Variants in ADGRL2 observed in about 807,000 individuals in gnomAD.
ADGRL2 encodes the protein adhesion G protein-coupled receptor L2.
Under a neutral mutation model 157.4 loss-of-function variants are expected in ADGRL2, and 44 were observed. That is an observed-to-expected ratio of 0.28 (90% confidence interval 0.22 to 0.36). ADGRL2 has a LOEUF of 0.36. Ranked by LOEUF, ADGRL2 falls within the 10% of genes least tolerant of loss-of-function variation. The probability of loss-of-function intolerance (pLI) is 1.00; values close to 1 mark genes in which losing one functional copy is unlikely to be tolerated. For synonymous variants in ADGRL2, 585 were observed against 624.7 expected (o/e 0.94, Z 0.95); for missense variants, 1,510 against 1,768.9 (o/e 0.85, Z 2.63).
chr1:81,442,983 A>G (rs1027115934), intron 1 of ADGRL2, among the ~76,000 whole-genome samples: 1 of 152,252 alleles, frequency 6.6e-6, no homozygotes, highest in East Asian at 1.9e-4. Context: ...TGTTGCTCTC[A>G]CAATAGTAAT....
In ADGRL2 at chr1:81,993,073, ATATATATATATATATTTTTTTT is replaced by A. The variant is rs1664846072; in HGVS notation, c.*1930_*1951del. Among the ~76,000 whole-genome samples, 1 of 31,064 alleles carries A rather than the reference ATATATATATATATATTTTTTTT, an allele frequency of 3.2e-5. No homozygotes were observed. Among genetic ancestry groups the A allele is most frequent in the South Asian group, 1.2e-3 (1 of 858 alleles). 20.4% of individuals were successfully genotyped at this position (31,064 alleles called of 152,430 possible). On this transcript the variant is annotated 3_prime_UTR_variant, in exon 24 of 24. Transcript: ENST00000686636. Reference sequence around the variant, plus strand: ...ATATAATATACATATATATATATATATATATATATATATATTTTTTTTTTTTTTTTTTTTTTTTTTTTTTTTG... The same window carrying A: ...ATATAATATACATATATATATATATATTTTTTTTTTTTTTTTTTTTTTTTG...
At chr1:81,681,954 T>C (rs1468414484) in intron 3 of ADGRL2, among the ~76,000 whole-genome samples, 1 of 152,170 alleles carries the variant, frequency 6.6e-6, no homozygotes, top group African/African-American at 2.4e-5. Flanking sequence ...CAATGAATCC[T>C]AAATATAGTG....
At chr1:81,318,453 T>C (rs1033180249) in intron 1 of ADGRL2, among the ~76,000 whole-genome samples, 5 of 152,160 alleles carry the variant, frequency 3.3e-5, no homozygotes, top group African/African-American at 1.2e-4. Flanking sequence ...CTCATGTTTA[T>C]CTGTAAAATG....
chr1:81,387,099 C>T (rs574524392), intron 1 of ADGRL2, among the ~76,000 whole-genome samples: 4 of 152,180 alleles, frequency 2.6e-5, no homozygotes, highest in Admixed American at 2.6e-4. Flanking sequence ...GCTAGTATTG[C>T]TTTCTATTTG....
At chr1:81,813,432 C>T (rs1325199770) in intron 1 of ADGRL2, among the ~76,000 whole-genome samples, 3 of 151,574 alleles carry the variant, frequency 2.0e-5, no homozygotes, top group African/African-American at 4.8e-5. Context: ...GTTACTGTGA[C>T]AAAGAATAAT....
At chr1:81,925,081 CCTTCT>C (rs2095073214) in intron 3 of ADGRL2, among the ~76,000 whole-genome samples, 1 of 151,966 alleles carries the variant, frequency 6.6e-6, no homozygotes, top group Non-Finnish European at 1.5e-5. Flanking sequence ...AAAGTGAATT[CCTTCT>C]ATGTGGGAAA....
chr1:81,561,706 C>T (rs1326329386), intron 2 of ADGRL2, among the ~76,000 whole-genome samples: 4 of 152,008 alleles, frequency 2.6e-5, no homozygotes, highest in South Asian at 2.1e-4. Flanking sequence ...GTGATCCACC[C>T]GCCTCGGCCT....
chr1:81,829,919 G>A (rs1401878060), intron 1 of ADGRL2, among the ~76,000 whole-genome samples: 1 of 152,148 alleles, frequency 6.6e-6, no homozygotes, highest in African/African-American at 2.4e-5. Context: ...ATTCTATAGT[G>A]TGCACTTGAT....
chr1:81,438,207 G>A (rs1317558886), intron 1 of ADGRL2, among the ~76,000 whole-genome samples: 1 of 152,136 alleles, frequency 6.6e-6, no homozygotes, highest in Non-Finnish European at 1.5e-5. Context: ...GGCTCTTTGA[G>A]ATGGTAACAA....
chr1:81,448,938 T>C (rs1011358798), intron 2 of ADGRL2, among the ~76,000 whole-genome samples: 2 of 152,194 alleles, frequency 1.3e-5, no homozygotes, highest in African/African-American at 4.8e-5. Context: ...GTGACCCCTA[T>C]ACTTTACAGT....
intron 1 of ADGRL2, among the ~76,000 whole-genome samples, chr1:81,827,876 T>G (rs1288450976): frequency 1.3e-5 from 2 of 152,228 alleles, no homozygotes; most frequent in African/African-American, 2.4e-5. Flanking sequence ...GAAACTCTAA[T>G]TTGTTTTGAT....
chr1:81,750,774 G>T (rs2085465346), intron 1 of ADGRL2, among the ~76,000 whole-genome samples: 1 of 152,054 alleles, frequency 6.6e-6, no homozygotes, highest in African/African-American at 2.4e-5. Context: ...GGACCCTGTG[G>T]TGCTGGTTTG....
At chr1:81,349,155 T>G (rs964848468) in intron 1 of ADGRL2, among the ~76,000 whole-genome samples, 3 of 152,172 alleles carry the variant, frequency 2.0e-5, no homozygotes, top group South Asian at 2.1e-4. Flanking sequence ...GAGCTAAGAT[T>G]AGGCTTAAAT....
At position 81,895,393 on chromosome 1, in the gene ADGRL2, C is replaced by CTTT. The variant is rs34557038; in HGVS notation, c.74-11604_74-11602dup. Among the ~76,000 whole-genome samples, 439 of 97,574 alleles carry CTTT rather than the reference C, an allele frequency of 4.5e-3. 13 individuals carry two copies. The highest frequency in any genetic ancestry group is 0.018 in the East Asian group (53 of 2,890). 64.0% of individuals were successfully genotyped at this position (97,574 alleles called of 152,430 possible). A position where few individuals can be genotyped will look rare whatever the true frequency, so the allele number is the denominator to read the frequency against. ...CTCATGTGATTCAATTTAAATGTAT[C>CTTT]TTTTTTTTTTTTTTTTTTTTTTGAG... On this transcript the variant is annotated intron_variant, in intron 2 of 23. Coordinates refer to ENST00000686636, the MANE Select transcript of ADGRL2 (RefSeq NM_001366006.2).
At chr1:81,476,832 A>C (rs1373448591) in intron 2 of ADGRL2, among the ~76,000 whole-genome samples, 1 of 151,950 alleles carries the variant, frequency 6.6e-6, no homozygotes, top group Non-Finnish European at 1.5e-5. Flanking sequence ...ATATCCTCTC[A>C]GATTCTGTCC....
intron 1 of ADGRL2, among the ~76,000 whole-genome samples, chr1:81,727,274 T>C (rs1357934481): frequency 1.3e-5 from 2 of 152,150 alleles, no homozygotes; most frequent in African/African-American, 4.8e-5. Flanking sequence ...AATTTAGAAA[T>C]ATTAAGACAT....
At chr1:81,817,735 C>T (rs889280020) in intron 1 of ADGRL2, among the ~76,000 whole-genome samples, 1 of 151,976 alleles carries the variant, frequency 6.6e-6, no homozygotes, top group Non-Finnish European at 1.5e-5. Flanking sequence ...GCCTTGTCCC[C>T]ATTCTGTGTT....
At chr1:81,686,710 C>G (rs2083234901) in intron 3 of ADGRL2, among the ~76,000 whole-genome samples, 1 of 151,984 alleles carries the variant, frequency 6.6e-6, no homozygotes, top group African/African-American at 2.4e-5. Flanking sequence ...TCTCTAGTCC[C>G]TTGAGGTGTG....
Position 81,347,316 on chromosome 1 carries a change from G to T in ADGRL2, c.-302+40807G>T, listed in dbSNP as rs535833360. Among the ~76,000 whole-genome samples the T allele has an allele frequency of 8.5e-5, 13 of 152,076 alleles. No individual in the cohort carries two copies. In the South Asian group the frequency reaches 2.7e-3, roughly 32 times the overall value. The stretch of plus-strand genomic sequence containing the variant: ...CTCAGGAGGCTGAGGCAGGAGAATC[G>T]CTTGAACCCGGGAAGCAGAGGTTGC... On this transcript the variant is annotated intron_variant, in intron 1 of 24. Coordinates refer to the ADGRL2 transcript ENST00000370721.
Sources: allele counts gnomAD v4.1 joint callset (sites outside exome capture counted in the v4.1 genomes callset), GRCh38; gene constraint gnomAD v4.1.1; transcripts MANE v1.5; gene names NCBI Gene and HGNC (gene_info 2026-07-23, HGNC 2026-07-21).